VPS9D1: variants seen among roughly 807,000 people sequenced by gnomAD.
VPS9D1 encodes the protein VPS9 domain-containing protein 1.
In VPS9D1, 78 loss-of-function variants were observed where a neutral mutation model predicts 75.8. The observed-to-expected ratio is 1.03, with a 90% confidence interval of 0.86 to 1.24. The LOEUF is 1.24. VPS9D1 is among the 50% of genes most tolerant of loss of function. The pLI is 0.00. For synonymous variants in VPS9D1, 481 were observed against 385.6 expected (o/e 1.25, Z -2.90); for missense variants, 1,057 against 847.7 (o/e 1.25, Z -3.07).
intron 1 of VPS9D1, among the ~76,000 whole-genome samples, chr16:89,719,832 C>T (rs1282885584): frequency 6.6e-6 from 1 of 152,136 alleles, no homozygotes; most frequent in Admixed American, 6.5e-5. Flanking sequence ...GATTCTCATC[C>T]CTCAGCCTCC....
At chr16:89,717,472 A>G (rs1453472198) in intron 2 of VPS9D1, 7 of 439,938 alleles carry the variant, frequency 1.6e-5, no homozygotes, top group Non-Finnish European at 3.2e-5. Context: ...CTGCGCGACC[A>G]TGGACCTGCT....
At chr16:89,709,120 C>G in intron 12 of VPS9D1, 107 bp downstream of exon 12, 2 of 1,525,828 alleles carry the variant, frequency 1.3e-6, no homozygotes, top group Non-Finnish European at 1.8e-6. Flanking sequence ...GTCCCCCAAC[C>G]TCCCCACCGG....
At position 89,709,382 on chromosome 16, in the gene VPS9D1, C is replaced by A; in HGVS notation, c.1442G>T (p.Arg481Met). 1 of 1,554,038 alleles carries A rather than the reference C, an allele frequency of 6.4e-7. No homozygotes were observed. Among genetic ancestry groups the A allele is most frequent in the Non-Finnish European group, 8.7e-7 (1 of 1,155,180 alleles). ...GCCAATGGCGGTGGGGGGTGCATTCCTGTAGAGCTCCATGCTCCTGCTCAG... is the reference window on the plus strand; with the variant it reads ...GCCAATGGCGGTGGGGGGTGCATTCATGTAGAGCTCCATGCTCCTGCTCAG... The part of the protein sequence containing the change: ...AALSRSMELY[R>M]NAPPTAIGIP... Residue 481 changes from arginine (R) to methionine (M), a missense_variant, in exon 12 of 15, where the codon AGG becomes ATG. Physicochemically the swap from Arg to Met is moderately conservative, Grantham distance 91. Coordinates refer to ENST00000389386, the MANE Select transcript of VPS9D1 (RefSeq NM_004913.3).
chr16:89,711,764 C>A, intron 8 of VPS9D1, 118 bp downstream of exon 8: 1 of 1,251,922 alleles, frequency 8.0e-7, no homozygotes, highest in South Asian at 1.5e-5. Context: ...TGGCCCCGCC[C>A]CCTCACTGCC....
intron 4 of VPS9D1, among the ~76,000 whole-genome samples, chr16:89,713,669 G>A (rs1430989479): frequency 6.6e-6 from 1 of 152,048 alleles, no homozygotes; most frequent in Admixed American, 6.6e-5. Context: ...ATCCGAGGCT[G>A]TATGACTTCG....
intron 10 of VPS9D1, 29 bp from the exon 11 acceptor site, chr16:89,709,935 C>A: frequency 6.3e-7 from 1 of 1,575,708 alleles, no homozygotes; most frequent in Non-Finnish European, 8.6e-7. Flanking sequence ...GGGACGTCCA[C>A]AGAGGCTCCT....
At chr16:89,720,235 T>G (rs2061214183) in intron 1 of VPS9D1, among the ~76,000 whole-genome samples, 1 of 152,168 alleles carries the variant, frequency 6.6e-6, no homozygotes, top group South Asian at 2.1e-4. Context: ...CGGGTGTGGC[T>G]GGGCCAGCTT....
At chr16:89,710,314 G>C (rs750377049) in intron 10 of VPS9D1, among the ~76,000 whole-genome samples, 1 of 152,108 alleles carries the variant, frequency 6.6e-6, no homozygotes, top group Non-Finnish European at 1.5e-5. Flanking sequence ...GGCTGGGCGC[G>C]GTGGCTCATG....
Position 89,712,448 on chromosome 16 carries a change from C to A in VPS9D1, c.606+12G>T. 6.2e-7 allele frequency: 1 copy of A among 1,612,818 alleles called. No individual in the cohort carries two copies. Among genetic ancestry groups the A allele is most frequent in the South Asian group, 1.1e-5 (1 of 91,048 alleles). On this transcript the variant is annotated intron_variant, in intron 6 of 14. Coordinates refer to ENST00000389386, the MANE Select transcript of VPS9D1 (RefSeq NM_004913.3). Reference sequence around the variant, plus strand: ...TCCCCTCGGGGACCACCAGGGCGGTCAGAAAGGCTGCTGTCTCCTCCCGGG... The same window carrying A: ...TCCCCTCGGGGACCACCAGGGCGGTAAGAAAGGCTGCTGTCTCCTCCCGGG...
In VPS9D1 at chr16:89,716,540, T is replaced by C. The variant is rs1327672111; in HGVS notation, c.353A>G (p.Glu118Gly). Residue 118 changes from glutamate to glycine, a missense_variant, in exon 4 of 15, where the codon GAA becomes GGA. Transcript: ENST00000389386. ...AGRHRRVYSD[E>G]GGKLSPFLPP... ...CAGAAAAGGAGAGAGCTTTCCTCCT[T>C]CATCGGAGTATACACGGCGGTGTCG... The C allele has an allele frequency of 1.8e-5, 29 of 1,613,900 alleles. No homozygotes were observed. The highest frequency in any genetic ancestry group is 2.5e-5 in the Non-Finnish European group (29 of 1,179,996).
At chr16:89,720,330 C>T (rs2061219068) in intron 1 of VPS9D1, 1 of 867,422 alleles carries the variant, frequency 1.2e-6, no homozygotes, top group Non-Finnish European at 1.4e-6. Flanking sequence ...CCTAAGACGA[C>T]TGCAAACAGC....
At position 89,711,685 on chromosome 16, in the gene VPS9D1, G is replaced by C. The variant is rs1306874724; in HGVS notation, c.747+197C>G. On this transcript the variant is annotated intron_variant, in intron 8 of 14. Coordinates refer to ENST00000389386, the MANE Select transcript of VPS9D1 (RefSeq NM_004913.3). ...ACCCTCCCACGCGACCCCTGACCTCGCCTCCTCGCTCTGCCCCGCCCCACG... is the reference window on the plus strand; with the variant it reads ...ACCCTCCCACGCGACCCCTGACCTCCCCTCCTCGCTCTGCCCCGCCCCACG... 2.0e-5 allele frequency: 14 copies of C among 717,360 alleles called. No individual in the cohort carries two copies. In the African/African-American group the frequency reaches 2.6e-4, roughly 13 times the overall value. 44.4% of individuals were successfully genotyped at this position (717,360 alleles called of 1,614,324 possible). A position where few individuals can be genotyped will look rare whatever the true frequency, so the allele number is the denominator to read the frequency against.
Position 89,710,751 on chromosome 16 carries a change from G to A in VPS9D1, c.1093C>T (p.Pro365Ser). 16 of 1,575,688 alleles carry A rather than the reference G, an allele frequency of 1.0e-5. No homozygotes were observed. Among genetic ancestry groups the A allele is most frequent in the Non-Finnish European group, 1.3e-5 (15 of 1,160,680 alleles). ...AATCCAGATGCGGTGTCCCCCAGGGGTGAGGGAGACCCCACGGGGCCGGGT... is the reference window on the plus strand; with the variant it reads ...AATCCAGATGCGGTGTCCCCCAGGGATGAGGGAGACCCCACGGGGCCGGGT... The part of the protein sequence containing the change: ...LQPGPVGSPS[P>S]LGDTASGLPD... The change falls in exon 10 of 15, where the codon CCC (proline) becomes TCC (serine). Residue 365 changes from proline (P) to serine (S), a missense_variant. Physicochemically the swap from Pro to Ser is moderately conservative, Grantham distance 74. Coordinates refer to ENST00000389386, the MANE Select transcript of VPS9D1 (RefSeq NM_004913.3).
rs1189970015 is a variant in VPS9D1 at position 89,710,788 on chromosome 16, C to T, written c.1056G>A (p.Thr352=). The part of the protein sequence containing the change: ...AAPRPQDSPP[T]PPLQPGPVGS... ...CCACGGGGCCGGGTTGGAGTGGGGG[C>T]GTGGGGGGACTGTCCTGGGGCCGCG... is the stretch of plus-strand genomic sequence containing the variant. The change falls in exon 10 of 15, where the codon ACG becomes ACA. Residue 352 remains threonine (T), a synonymous_variant. Coordinates refer to ENST00000389386, the MANE Select transcript of VPS9D1 (RefSeq NM_004913.3). 4.5e-6 allele frequency: 7 copies of T among 1,550,178 alleles called. No homozygotes were observed. Among genetic ancestry groups the T allele is most frequent in the South Asian group, 1.2e-5 (1 of 84,348 alleles).
chr16:89,718,975 C>G, intron 2 of VPS9D1, 52 bp downstream of exon 2: 1 of 1,509,688 alleles, frequency 6.6e-7, no homozygotes, highest in Non-Finnish European at 9.2e-7. Context: ...CTGCCTCCCA[C>G]AGTGCTGGGA....
At chr16:89,711,075 G>A in intron 9 of VPS9D1, 65 bp from the exon 10 acceptor site, 12 of 1,397,574 alleles carry the variant, frequency 8.6e-6, no homozygotes, top group Non-Finnish European at 1.1e-5. Flanking sequence ...CACAGGTGCC[G>A]CGCTATGCCC....
At position 89,712,066 on chromosome 16, in the gene VPS9D1, G is replaced by A; in HGVS notation, c.640C>T (p.Leu214Phe). The change falls in exon 7 of 15, where the codon CTC becomes TTC. Residue 214 changes from leucine (L) to phenylalanine (F), a missense_variant. Physicochemically the swap from Leu to Phe is conservative, Grantham distance 22. Coordinates refer to ENST00000389386, the MANE Select transcript of VPS9D1 (RefSeq NM_004913.3). ...TCCCACCTGTTGGCGGCCTCCTGGA[G>A]CCGCAGCCGGCGCTCCTCCATCTTT... ...QRKMEERRLR[L>F]QEAANRRFCS... 1 of 1,548,580 alleles carries A rather than the reference G, an allele frequency of 6.5e-7. No individual in the cohort carries two copies. The highest frequency in any genetic ancestry group is 8.7e-7 in the Non-Finnish European group (1 of 1,146,806).
At chr16:89,719,349 C>T in intron 1 of VPS9D1, 1 of 589,650 alleles carries the variant, frequency 1.7e-6, no homozygotes, top group Non-Finnish European at 3.2e-6. Flanking sequence ...GAGAGAGAGC[C>T]AGGGACGAGC....
At chr16:89,718,526 T>A (rs566620941) in intron 2 of VPS9D1, among the ~76,000 whole-genome samples, 1 of 152,208 alleles carries the variant, frequency 6.6e-6, no homozygotes, top group East Asian at 1.9e-4. Context: ...CATCTTCTTA[T>A]CCACAACGCT....
Sources: allele counts gnomAD v4.1 joint callset (sites outside exome capture counted in the v4.1 genomes callset), GRCh38; gene constraint gnomAD v4.1.1; transcripts MANE v1.5; gene names NCBI Gene and HGNC (gene_info 2026-07-23, HGNC 2026-07-21).